The following ADAMTS12 variants were observed in gnomAD, a reference collection of about 807,000 sequenced individuals.
ADAMTS12 encodes the protein ADAM metallopeptidase with thrombospondin type 1 motif 12, also known as A disintegrin and metalloproteinase with thrombospondin motifs 12.
A neutral mutation model predicts 167.8 loss-of-function variants in ADAMTS12; 118 were observed. That is an observed-to-expected ratio of 0.70 (90% CI 0.61 to 0.82). The LOEUF (loss-of-function observed/expected upper bound fraction) is 0.82. Ranked by LOEUF, ADAMTS12 falls within the 40% of genes least tolerant of loss-of-function variation. The pLI is 0.00. For synonymous variants in ADAMTS12, 704 were observed against 716.9 expected, an observed-to-expected ratio of 0.98 and a Z score of 0.29; for missense variants, 1,916 against 1,998.8, an observed-to-expected ratio of 0.96 and a Z score of 0.79.
intron 3 of ADAMTS12, among the ~76,000 whole-genome samples, chr5:33,732,961 A>T (rs1744243413): frequency 6.6e-6 from 1 of 151,932 alleles, no homozygotes; most frequent in Non-Finnish European, 1.5e-5. Flanking sequence ...ACTTGGGAAA[A>T]TGTTCACAAT....
intron 2 of ADAMTS12, among the ~76,000 whole-genome samples, chr5:33,858,654 T>G (rs1749493293): frequency 8.7e-6 from 1 of 115,298 alleles, no homozygotes; most frequent in African/African-American, 3.9e-5. Flanking sequence ...CAAGACATCA[T>G]CTCAAAAAAA....
intron 2 of ADAMTS12, among the ~76,000 whole-genome samples, chr5:33,790,681 G>C (rs1197040359): frequency 6.6e-6 from 1 of 150,662 alleles, no homozygotes; most frequent in Non-Finnish European, 1.5e-5. Flanking sequence ...TAAAGTGTGT[G>C]TGTGTGTACA....
At chr5:33,608,604 A>G (rs1369959589) in intron 16 of ADAMTS12, among the ~76,000 whole-genome samples, 1 of 152,082 alleles carries the variant, frequency 6.6e-6, no homozygotes, top group East Asian at 1.9e-4. Context: ...GCCACAATGA[A>G]CCCACCTTTT....
chr5:33,669,909 A>G (rs1030937284), intron 5 of ADAMTS12, among the ~76,000 whole-genome samples: 1 of 151,798 alleles, frequency 6.6e-6, no homozygotes, highest in Admixed American at 6.6e-5. Flanking sequence ...AAACTTCTAG[A>G]AAAAAAACAT....
intron 2 of ADAMTS12, among the ~76,000 whole-genome samples, chr5:33,864,423 A>G (rs962543372): frequency 6.6e-6 from 1 of 152,242 alleles, no homozygotes; most frequent in African/African-American, 2.4e-5. Flanking sequence ...TGTGGAAGAC[A>G]GTGTGGTGAT....
At chr5:33,849,174 AAT>A (rs1295105260) in intron 2 of ADAMTS12, among the ~76,000 whole-genome samples, 1 of 43,870 alleles carries the variant, frequency 2.3e-5, no homozygotes, top group Non-Finnish European at 6.9e-5. Context: ...ATTGCATAGC[AAT>A]ATATATATGT....
intron 16 of ADAMTS12, among the ~76,000 whole-genome samples, chr5:33,611,706 T>A (rs1324574279): frequency 6.6e-6 from 1 of 152,138 alleles, no homozygotes. Flanking sequence ...CAATAAGGAA[T>A]TGGTTAAGGA....
intron 2 of ADAMTS12, among the ~76,000 whole-genome samples, chr5:33,784,135 G>C (rs967746236): frequency 1.3e-5 from 2 of 151,706 alleles, no homozygotes; most frequent in African/African-American, 4.8e-5. Flanking sequence ...ATGTAGAAAA[G>C]TCCTTGACAA....
intron 2 of ADAMTS12, among the ~76,000 whole-genome samples, chr5:33,837,333 A>C (rs942124846): frequency 3.9e-5 from 6 of 152,222 alleles, no homozygotes; most frequent in African/African-American, 1.4e-4. Context: ...GGAAGGACTG[A>C]GTGGCAATGG....
intron 2 of ADAMTS12, among the ~76,000 whole-genome samples, chr5:33,836,057 GGTTT>G (rs1041646319): frequency 1.3e-5 from 2 of 151,786 alleles, no homozygotes; most frequent in African/African-American, 4.8e-5. Context: ...GATGTTACTG[GGTTT>G]GTTTTTGTTT....
At chr5:33,699,145 G>A (rs910608404) in intron 3 of ADAMTS12, among the ~76,000 whole-genome samples, 24 of 151,896 alleles carry the variant, frequency 1.6e-4, no homozygotes, top group African/African-American at 5.1e-4. Flanking sequence ...CAACAAAAGC[G>A]AAACTCCATC....
intron 5 of ADAMTS12, among the ~76,000 whole-genome samples, chr5:33,673,262 A>G (rs1366811073): frequency 6.6e-6 from 1 of 152,192 alleles, no homozygotes; most frequent in African/African-American, 2.4e-5. Context: ...AATCACTCCA[A>G]AATATGATTG....
chr5:33,609,777 C>T (rs186021291), intron 16 of ADAMTS12, among the ~76,000 whole-genome samples: 1 of 152,160 alleles, frequency 6.6e-6, no homozygotes, highest in Admixed American at 6.5e-5. Context: ...TTTCTTGTGG[C>T]CTCTATGCAA....
chr5:33,790,445 C>T (rs560628304), intron 2 of ADAMTS12, among the ~76,000 whole-genome samples: 5 of 151,490 alleles, frequency 3.3e-5, no homozygotes, highest in South Asian at 2.1e-4. Context: ...CCCAGCTATT[C>T]GGAAGGCTGA....
At chr5:33,556,510 C>T (rs1369071706) in intron 20 of ADAMTS12, among the ~76,000 whole-genome samples, 1 of 152,114 alleles carries the variant, frequency 6.6e-6, no homozygotes, top group African/African-American at 2.4e-5. Context: ...AAGGATAGGC[C>T]GAGGTAGGAT....
chr5:33,629,039 C>G (rs1322044949), intron 13 of ADAMTS12, among the ~76,000 whole-genome samples: 5 of 152,160 alleles, frequency 3.3e-5, no homozygotes, highest in African/African-American at 1.2e-4. Flanking sequence ...TGTCTGGGCT[C>G]TATTTCAAAC....
intron 5 of ADAMTS12, among the ~76,000 whole-genome samples, chr5:33,668,764 G>A (rs1326081942): frequency 5.9e-5 from 9 of 152,162 alleles, no homozygotes; most frequent in African/African-American, 9.7e-5. Context: ...GATTACAGGC[G>A]TGAGCCTCCA....
chr5:33,764,576 T>C (rs760663536), intron 2 of ADAMTS12, among the ~76,000 whole-genome samples: 6 of 152,126 alleles, frequency 3.9e-5, no homozygotes, highest in Non-Finnish European at 7.4e-5. Context: ...AAAAATAACA[T>C]AGTGGAAAAA....
At position 33,534,801 on chromosome 5, in the gene ADAMTS12, C is replaced by T. The variant is rs531303352; in HGVS notation, c.4606+32G>A. The T allele has an allele frequency of 6.3e-6, 10 of 1,585,838 alleles. 1 individual carries two copies. In the South Asian group the frequency reaches 1.1e-4, roughly 17 times the overall value. ...TGCAGGATGACATTTGTGCAAAGAT[C>T]TCTTTCTCCCCGAGCAAACCCATTC... On this transcript the variant is annotated intron_variant, in intron 23 of 23. Transcript: ENST00000504830.
Sources: allele counts gnomAD v4.1 joint callset (sites outside exome capture counted in the v4.1 genomes callset), GRCh38; gene constraint gnomAD v4.1.1; transcripts MANE v1.5; gene names NCBI Gene and HGNC (gene_info 2026-07-23, HGNC 2026-07-21).